The following ENPP6 variants were observed in gnomAD, a reference collection of about 807,000 sequenced individuals.
ENPP6 encodes ectonucleotide pyrophosphatase/phosphodiesterase 6.
Under a neutral mutation model 42.0 loss-of-function variants are expected in ENPP6, and 32 were observed. That is an observed-to-expected ratio of 0.76 (90% confidence interval 0.58 to 1.02). The LOEUF (loss-of-function observed/expected upper bound fraction) is 1.02, where lower values mean the gene tolerates loss of function less well. ENPP6 is among the 50% of genes least tolerant of loss of function. The pLI is 0.00. For synonymous variants in ENPP6, 213 were observed against 216.0 expected, an observed-to-expected ratio of 0.99 and a Z score of 0.12; for missense variants, 552 against 566.8, an observed-to-expected ratio of 0.97 and a Z score of 0.27.
At chr4:184,192,575 G>A (rs140906079) in intron 1 of ENPP6, among the ~76,000 whole-genome samples, 15 of 152,224 alleles carry the variant, frequency 9.9e-5, no homozygotes, top group African/African-American at 1.7e-4. Flanking sequence ...AGTACAAGTC[G>A]TAAAAGGAAA....
chr4:184,217,051 G>A (rs1733207387), intron 1 of ENPP6: 2 of 152,162 alleles, frequency 1.3e-5, no homozygotes, highest in Non-Finnish European at 2.9e-5. Context: ...CTAAGTCACA[G>A]GGAAGGATAT....
At chr4:184,174,625 A>T (rs1233405060) in intron 1 of ENPP6, among the ~76,000 whole-genome samples, 1 of 152,262 alleles carries the variant, frequency 6.6e-6, no homozygotes, top group Non-Finnish European at 1.5e-5. Context: ...AAACTCTCCA[A>T]ATGTACCCTG....
intron 1 of ENPP6, among the ~76,000 whole-genome samples, chr4:184,193,517 GAT>G (rs1483218156): frequency 6.6e-6 from 1 of 152,180 alleles, no homozygotes; most frequent in Non-Finnish European, 1.5e-5. Context: ...CTTTTGGGGT[GAT>G]AAAAATATTC....
At chr4:184,095,057 G>C (rs988879936) in intron 7 of ENPP6, among the ~76,000 whole-genome samples, 2 of 152,244 alleles carry the variant, frequency 1.3e-5, no homozygotes, top group African/African-American at 2.4e-5. Context: ...TTTCTTCTCA[G>C]TAAACAGCCA....
chr4:184,182,481 A>C (rs1732568921), intron 1 of ENPP6, among the ~76,000 whole-genome samples: 1 of 152,208 alleles, frequency 6.6e-6, no homozygotes, highest in Admixed American at 6.5e-5. Context: ...AATCAGAAAT[A>C]CCATTTGACC....
chr4:184,176,710 T>C (rs1478209348), intron 1 of ENPP6, among the ~76,000 whole-genome samples: 2 of 141,214 alleles, frequency 1.4e-5, no homozygotes, highest in East Asian at 2.2e-4. Context: ...TTTATGAAAG[T>C]GACATAACAA....
intron 6 of ENPP6, among the ~76,000 whole-genome samples, chr4:184,112,362 C>T (rs1012731732): frequency 3.9e-5 from 6 of 152,184 alleles, no homozygotes; most frequent in African/African-American, 1.2e-4. Flanking sequence ...CTTTGGTTCA[C>T]AGTAATTGTT....
At chr4:184,139,707 A>G (rs1579630556) in intron 2 of ENPP6, among the ~76,000 whole-genome samples, 1 of 78,270 alleles carries the variant, frequency 1.3e-5, no homozygotes, top group African/African-American at 4.8e-5. Context: ...TTATGGCTGC[A>G]TAGTATTCCA....
intron 1 of ENPP6, among the ~76,000 whole-genome samples, chr4:184,207,733 C>T (rs1029511338): frequency 1.3e-5 from 2 of 152,226 alleles, no homozygotes; most frequent in Admixed American, 1.3e-4. Context: ...CTCTGCAGCA[C>T]GCTGGGGCCC....
chr4:184,092,242 C>G (rs1460187160), intron 7 of ENPP6, among the ~76,000 whole-genome samples: 2 of 152,076 alleles, frequency 1.3e-5, no homozygotes, highest in African/African-American at 4.8e-5. Context: ...TCTCGGTGCT[C>G]GCTAGCTCAG....
At chr4:184,193,484 G>C (rs1732736464) in intron 1 of ENPP6, among the ~76,000 whole-genome samples, 1 of 152,208 alleles carries the variant, frequency 6.6e-6, no homozygotes, top group Non-Finnish European at 1.5e-5. Flanking sequence ...AGGATGGGAA[G>C]CAACTGCAGG....
chr4:184,104,016 TC>T (rs1736048322), intron 6 of ENPP6, among the ~76,000 whole-genome samples: 2 of 122,650 alleles, frequency 1.6e-5, no homozygotes, highest in African/African-American at 2.9e-5. Flanking sequence ...TCTTTTCTTT[TC>T]TTTTCTTTTT....
Position 184,131,260 on chromosome 4 carries a change from C to T in ENPP6, c.422-6988G>A, listed in dbSNP as rs796070516. Among the ~76,000 whole-genome samples, 33 of 7,466 alleles carry T rather than the reference C, an allele frequency of 4.4e-3. 5 individuals are homozygous for T. Among genetic ancestry groups the T allele is most frequent in the South Asian group, 0.024 (4 of 166 alleles). 4.9% of individuals were successfully genotyped at this position (7,466 alleles called of 152,430 possible). ...CTTTTCTTTCTTTCTTTCTCTTTCT[C>T]TTCCTTCCTTCCTTCCTTCCTTCCT... On this transcript the variant is annotated intron_variant, in intron 2 of 7. Coordinates refer to ENST00000296741, the MANE Select transcript of ENPP6 (RefSeq NM_153343.4).
rs184955362 is a variant in ENPP6 at position 184,171,487 on chromosome 4, T to G, written c.242-17754A>C. On this transcript the variant is annotated intron_variant, in intron 1 of 7. Coordinates refer to ENST00000296741, the MANE Select transcript of ENPP6 (RefSeq NM_153343.4). ...ACACCACTTGATGGGGGAATGTCAATGTCACAATATAAGAAGAACAAGTAG... is the reference window on the plus strand; with the variant it reads ...ACACCACTTGATGGGGGAATGTCAAGGTCACAATATAAGAAGAACAAGTAG... 1.1e-3 allele frequency among the ~76,000 whole-genome samples: 165 copies of G among 152,346 alleles called. 1 individual carries two copies. Among genetic ancestry groups the G allele is most frequent in the Middle Eastern group, 0.01 (3 of 294 alleles).
In ENPP6 at chr4:184,214,523, A is replaced by T. The variant is rs997146669; in HGVS notation, c.241+3056T>A. ...ACTTTCTACACGAAGGCCTCCTAGG[A>T]GGGTCCAGCCCTAACTTTAAAATTA... On this transcript the variant is annotated intron_variant, in intron 1 of 7. Transcript: ENST00000296741. Among the ~76,000 whole-genome samples, 3 of 152,324 alleles carry T rather than the reference A, an allele frequency of 2.0e-5. No homozygotes were observed. In the East Asian group the frequency reaches 5.8e-4, roughly 29 times the overall value.
At chr4:184,092,688 T>C (rs1047758957) in intron 7 of ENPP6, among the ~76,000 whole-genome samples, 31 of 152,206 alleles carry the variant, frequency 2.0e-4, no homozygotes, top group Non-Finnish European at 3.5e-4. Context: ...TGTAACAAAA[T>C]ACCCAATGCT....
chr4:184,208,390 C>T (rs1002586934), intron 1 of ENPP6, among the ~76,000 whole-genome samples: 84 of 152,224 alleles, frequency 5.5e-4, no homozygotes, highest in African/African-American at 1.6e-3. Flanking sequence ...GCGCACCCTG[C>T]GCGAGCCGAA....
intron 7 of ENPP6, among the ~76,000 whole-genome samples, chr4:184,093,058 G>T (rs1350529094): frequency 6.6e-6 from 1 of 152,170 alleles, no homozygotes; most frequent in African/African-American, 2.4e-5. Flanking sequence ...TCCCTTTGGA[G>T]AATTAAAGTT....
intron 1 of ENPP6, among the ~76,000 whole-genome samples, chr4:184,202,314 T>A (rs938341959): frequency 7.9e-5 from 12 of 152,192 alleles, no homozygotes; most frequent in African/African-American, 2.7e-4. Context: ...TTCTTTCGTA[T>A]TCACTCATCA....
Sources: gnomAD v4.1 joint callset for allele counts (sites outside exome capture counted in the v4.1 genomes callset) on GRCh38, gnomAD v4.1.1 for gene constraint, MANE v1.5 for transcripts, NCBI Gene and HGNC (gene_info 2026-07-23, HGNC 2026-07-21) for gene names.